Variants in MTDH observed in about 807,000 individuals in gnomAD.
MTDH encodes protein LYRIC.
Under a neutral mutation model 72.7 loss-of-function variants are expected in MTDH, and 34 were observed. That is an observed-to-expected ratio of 0.47 (90% CI 0.36 to 0.62). MTDH has a LOEUF of 0.62. Ranked by LOEUF, MTDH falls within the 20% of genes least tolerant of loss-of-function variation. The pLI, the probability that MTDH is intolerant of heterozygous loss-of-function variation, is 0.00. For synonymous variants in MTDH, 266 were observed against 268.9 expected, an observed-to-expected ratio of 0.99 and a Z score of 0.10; for missense variants, 677 against 699.4, an observed-to-expected ratio of 0.97 and a Z score of 0.36.
At chr8:97,681,278 C>A (rs1015084376) in intron 2 of MTDH, among the ~76,000 whole-genome samples, 2 of 151,922 alleles carry the variant, frequency 1.3e-5, no homozygotes, top group African/African-American at 4.8e-5. Flanking sequence ...CAAAGAGGTA[C>A]CAGTCTTGTA....
chr8:97,727,340 A>T lies in MTDH; in HGVS notation c.*2670A>T, dbSNP rs1815393648. ...TATGGTGAAACCCCATCTCTACAAAATTTGCAAAAAGTAGATGGGTGTGGT... is the reference window on the plus strand; with the variant it reads ...TATGGTGAAACCCCATCTCTACAAATTTTGCAAAAAGTAGATGGGTGTGGT... On this transcript the variant is annotated 3_prime_UTR_variant, in exon 12 of 12. Transcript: ENST00000336273. The T allele has an allele frequency of 6.6e-6, 1 of 151,558 alleles. No individual in the cohort carries two copies. Among genetic ancestry groups the T allele is most frequent in the African/African-American group, 2.4e-5 (1 of 41,212 alleles). The allele number at this position is 151,558 out of a possible 1,614,324, so 9.4% of individuals were successfully genotyped here. A position where few individuals can be genotyped will look rare whatever the true frequency, so the allele number is the denominator to read the frequency against.
intron 8 of MTDH, among the ~76,000 whole-genome samples, chr8:97,709,351 A>AATAT (rs1814525379): frequency 6.6e-6 from 1 of 152,218 alleles, no homozygotes; most frequent in Admixed American, 6.5e-5. Flanking sequence ...ACAATATCGT[A>AATAT]ATATATAATA....
intron 1 of MTDH, among the ~76,000 whole-genome samples, chr8:97,660,174 A>G (rs1042968093): frequency 2.0e-5 from 3 of 152,222 alleles, no homozygotes; most frequent in Admixed American, 6.5e-5. Flanking sequence ...AAAAGGTAAA[A>G]AAAGAATGAT....
intron 2 of MTDH, among the ~76,000 whole-genome samples, chr8:97,664,607 TC>T (rs1812303826): frequency 6.6e-6 from 1 of 152,188 alleles, no homozygotes; most frequent in South Asian, 2.1e-4. Flanking sequence ...TTTAATGTGG[TC>T]AGGTCTAGGT....
At chr8:97,704,403 T>G (rs1035360593) in intron 7 of MTDH, among the ~76,000 whole-genome samples, 9 of 152,168 alleles carry the variant, frequency 5.9e-5, no homozygotes, top group African/African-American at 2.2e-4. Flanking sequence ...AAAATATATT[T>G]ATTATTCCAA....
chr8:97,698,062 C>G (rs1288844221), intron 6 of MTDH, among the ~76,000 whole-genome samples: 1 of 152,148 alleles, frequency 6.6e-6, no homozygotes, highest in Non-Finnish European at 1.5e-5. Context: ...GAGAGTATAT[C>G]AAGCAGATAA....
chr8:97,701,485 A>G (rs935163632), intron 7 of MTDH, among the ~76,000 whole-genome samples: 6 of 152,186 alleles, frequency 3.9e-5, no homozygotes, highest in Non-Finnish European at 7.4e-5. Flanking sequence ...AATATTTTTG[A>G]ACCCACAAAT....
intron 2 of MTDH, among the ~76,000 whole-genome samples, chr8:97,674,489 C>G (rs1288605186): frequency 6.6e-6 from 1 of 152,082 alleles, no homozygotes; most frequent in East Asian, 1.9e-4. Context: ...CCATGCTTTC[C>G]CATTTAACCA....
intron 10 of MTDH, among the ~76,000 whole-genome samples, chr8:97,720,508 C>T (rs1243283004): frequency 7.4e-6 from 1 of 135,380 alleles, no homozygotes; most frequent in Non-Finnish European, 1.6e-5. Flanking sequence ...CCCAGGAGGT[C>T]GAGGCTGCAG....
chr8:97,648,404 G>C (rs906830916), intron 1 of MTDH, among the ~76,000 whole-genome samples: 10 of 152,012 alleles, frequency 6.6e-5, no homozygotes, highest in Non-Finnish European at 1.2e-4. Context: ...GACTTAGATT[G>C]AAGTGAAGTC....
At position 97,696,263 on chromosome 8, in the gene MTDH, G is replaced by T. The variant is rs982466102; in HGVS notation, c.1049-3491G>T. 4.1e-6 allele frequency: 4 copies of T among 985,174 alleles called. No homozygotes were observed. The African/African-American group carries it at 7.0e-5, about 17-fold the overall frequency. The allele number at this position is 985,174 out of a possible 1,614,324, so 61.0% of individuals were successfully genotyped here. A position where few individuals can be genotyped will look rare whatever the true frequency, so the allele number is the denominator to read the frequency against. ...CTCTGAACAGAATTCTGCTTCTTTT[G>T]CATCTCTCACACTTAACTCTGCTGT... On this transcript the variant is annotated intron_variant, in intron 6 of 11. Transcript: ENST00000336273.
intron 11 of MTDH, among the ~76,000 whole-genome samples, chr8:97,723,535 A>C (rs1396817887): frequency 6.8e-6 from 1 of 147,924 alleles, no homozygotes; most frequent in Non-Finnish European, 1.5e-5. Flanking sequence ...CTAGGTCAGG[A>C]GATCGAGACC....
At position 97,644,228 on chromosome 8, in the gene MTDH, T is replaced by C; in HGVS notation, c.-279T>C. 1 of 474,660 alleles carries C rather than the reference T, an allele frequency of 2.1e-6. No homozygotes were observed. The highest frequency in any genetic ancestry group is 3.1e-5 in the South Asian group (1 of 31,902). The allele number at this position is 474,660 out of a possible 1,614,324, so 29.4% of individuals were successfully genotyped here. A position where few individuals can be genotyped will look rare whatever the true frequency, so the allele number is the denominator to read the frequency against. ...GAGGGAGGACAGCGGGGCCTGGCGC[T>C]GGCGCCGAGACGCCGCTTAGCGGCC... On this transcript the variant is annotated 5_prime_UTR_variant, in exon 1 of 12. Transcript: ENST00000336273.
chr8:97,661,267 C>G, intron 2 of MTDH, 94 bp downstream of exon 2: 1 of 863,956 alleles, frequency 1.2e-6, no homozygotes, highest in Non-Finnish European at 1.7e-6. Flanking sequence ...TGTATGTATA[C>G]CTCTCATTTA....
chr8:97,718,445 T>C (rs1246667375), intron 9 of MTDH, among the ~76,000 whole-genome samples: 2 of 152,360 alleles, frequency 1.3e-5, no homozygotes, highest in Non-Finnish European at 2.9e-5. Flanking sequence ...AATTAACTTA[T>C]GTATAAACAT....
At chr8:97,660,883 T>TTG (rs1554574424) in intron 1 of MTDH, among the ~76,000 whole-genome samples, 189 bp from the exon 2 acceptor site, 1 of 128,234 alleles carries the variant, frequency 7.8e-6, no homozygotes, top group Non-Finnish European at 1.7e-5. Context: ...CTTATGAATT[T>TTG]TATATATATA....
chr8:97,678,877 AACAAGATG>A (rs1470049589), intron 2 of MTDH, among the ~76,000 whole-genome samples: 1 of 152,186 alleles, frequency 6.6e-6, no homozygotes, highest in Non-Finnish European at 1.5e-5. Context: ...AAGCTTACTT[AACAAGATG>A]TCAGAAAATA....
intron 1 of MTDH, among the ~76,000 whole-genome samples, chr8:97,660,598 G>T (rs967885732): frequency 4.0e-5 from 6 of 151,896 alleles, no homozygotes; most frequent in Non-Finnish European, 8.8e-5. Flanking sequence ...ATTTTATTTT[G>T]CCATACACCC....
intron 9 of MTDH, among the ~76,000 whole-genome samples, chr8:97,717,051 A>G (rs1446947544): frequency 1.3e-5 from 2 of 152,180 alleles, no homozygotes; most frequent in Non-Finnish European, 2.9e-5. Flanking sequence ...GGATGGAAAT[A>G]AATTGATGTC....
Sources: gnomAD v4.1 joint callset for allele counts (sites outside exome capture counted in the v4.1 genomes callset) on GRCh38, gnomAD v4.1.1 for gene constraint, MANE v1.5 for transcripts, NCBI Gene and HGNC (gene_info 2026-07-23, HGNC 2026-07-21) for gene names.